The following COMMD1 variants were observed in gnomAD, a reference collection of about 807,000 sequenced individuals.
The protein encoded by COMMD1 is COMM domain-containing protein 1.
In COMMD1, 10 loss-of-function variants were observed where a neutral mutation model predicts 17.2. The ratio of observed to expected loss-of-function variants is 0.58; its 90% CI spans 0.36 to 0.99. The LOEUF is 0.99. Among genes scored for constraint, COMMD1 ranks in the 50% least tolerant of loss-of-function variants. The probability of loss-of-function intolerance (pLI) is 0.01; values close to 1 mark genes in which losing one functional copy is unlikely to be tolerated. For synonymous variants in COMMD1, 97 were observed against 91.6 expected (o/e 1.06, Z -0.34); for missense variants, 270 against 231.8 (o/e 1.17, Z -1.07).
At chr2:61,935,939 C>A (rs1215924245) in intron 1 of COMMD1, among the ~76,000 whole-genome samples, 1 of 152,038 alleles carries the variant, frequency 6.6e-6, no homozygotes, top group East Asian at 1.9e-4. Context: ...GCCTCAGCCT[C>A]CTAAGTAGCT....
intron 1 of COMMD1, among the ~76,000 whole-genome samples, chr2:61,907,929 C>T (rs972571653): frequency 1.4e-4 from 22 of 152,154 alleles, no homozygotes; most frequent in Non-Finnish European, 1.5e-4. Context: ...GATAGCTGAT[C>T]TGCCCACCTT....
chr2:62,103,464 C>T (rs1433039518), intron 2 of COMMD1, among the ~76,000 whole-genome samples: 1 of 152,212 alleles, frequency 6.6e-6, no homozygotes, highest in Non-Finnish European at 1.5e-5. Flanking sequence ...TCAGAGGGCC[C>T]TTGGCCCCTA....
intron 2 of COMMD1, among the ~76,000 whole-genome samples, chr2:62,059,862 T>G (rs1477052700): frequency 1.3e-5 from 2 of 152,268 alleles, no homozygotes; most frequent in Non-Finnish European, 2.9e-5. Flanking sequence ...TATGTTGACA[T>G]GGTTGGATTT....
rs565261515 is a variant in COMMD1, at chr2:62,060,212, T to C, written c.462+59230T>C. 2.0e-5 allele frequency among the ~76,000 whole-genome samples: 3 copies of C among 152,228 alleles called. No individual in the cohort carries two copies. In the South Asian group the frequency reaches 6.2e-4, roughly 32 times the overall value. ...TGGTTGTGGTGGCACACACCTGTAG[T>C]CCCAGCTACTTGGGAGGCTGAGGTG... is the stretch of plus-strand genomic sequence containing the variant. On this transcript the variant is annotated intron_variant, in intron 2 of 2. Transcript: ENST00000311832.
At chr2:62,046,371 A>G (rs541405157) in intron 2 of COMMD1, among the ~76,000 whole-genome samples, 2 of 152,232 alleles carry the variant, frequency 1.3e-5, no homozygotes, top group Non-Finnish European at 2.9e-5. Context: ...ATTTTATGAT[A>G]GTGTGAACAA....
At chr2:61,991,249 T>C (rs541040273) in intron 1 of COMMD1, among the ~76,000 whole-genome samples, 1 of 152,342 alleles carries the variant, frequency 6.6e-6, no homozygotes, top group African/African-American at 2.4e-5. Flanking sequence ...CCTGAATTAT[T>C]TTCTACTCTT....
intron 2 of COMMD1, among the ~76,000 whole-genome samples, chr2:62,025,512 A>C (rs1329125802): frequency 2.0e-5 from 3 of 152,222 alleles, no homozygotes; most frequent in Non-Finnish European, 4.4e-5. Context: ...CCTGGGGAAC[A>C]GAGCAAGGCC....
chr2:61,910,322 C>G (rs917188680), intron 1 of COMMD1, among the ~76,000 whole-genome samples: 3 of 151,728 alleles, frequency 2.0e-5, no homozygotes, highest in Non-Finnish European at 1.5e-5. Context: ...TCGATCTTGG[C>G]TCACTGCAAC....
At chr2:61,896,819 CT>C (rs112184843) in intron 1 of COMMD1, among the ~76,000 whole-genome samples, 1,728 of 137,142 alleles carry the variant, frequency 0.013, 3 homozygotes, top group Non-Finnish European at 0.018. Flanking sequence ...TTTTCCTTTT[CT>C]TTTTTTTTTT....
intron 1 of COMMD1, among the ~76,000 whole-genome samples, chr2:61,993,653 C>T (rs1346027056): frequency 1.3e-5 from 2 of 152,224 alleles, no homozygotes; most frequent in Non-Finnish European, 2.9e-5. Context: ...TGAACAGTAT[C>T]TGTTTTATGG....
chr2:61,947,342 T>A (rs959035993), intron 1 of COMMD1, among the ~76,000 whole-genome samples: 16 of 152,300 alleles, frequency 1.1e-4, no homozygotes, highest in Non-Finnish European at 1.6e-4. Context: ...ACTTTTTTTT[T>A]ATTTTTTAAA....
intron 2 of COMMD1, among the ~76,000 whole-genome samples, chr2:62,122,014 C>G (rs1672763689): frequency 6.6e-6 from 1 of 152,164 alleles, no homozygotes; most frequent in East Asian, 1.9e-4. Context: ...TGGTCTCAAA[C>G]TCCTGGGCTC....
intron 2 of COMMD1, among the ~76,000 whole-genome samples, chr2:62,113,851 A>C (rs1433017401): frequency 6.6e-6 from 1 of 152,224 alleles, no homozygotes; most frequent in Non-Finnish European, 1.5e-5. Flanking sequence ...TGGAAGTTTC[A>C]TTTTATATTT....
chr2:61,890,215 GTTTGTTTGTT>G (rs1459943923), intron 1 of COMMD1, among the ~76,000 whole-genome samples: 4 of 152,042 alleles, frequency 2.6e-5, no homozygotes, highest in South Asian at 2.1e-4. Flanking sequence ...GGTGTTGTTT[GTTTGTTTGTT>G]TTTGTTTGTT....
chr2:62,088,801 T>C (rs1671742890), intron 2 of COMMD1, among the ~76,000 whole-genome samples: 1 of 152,262 alleles, frequency 6.6e-6, no homozygotes, highest in African/African-American at 2.4e-5. Context: ...GACACAGCCT[T>C]CAGGAGGTCC....
chr2:62,066,753 T>A (rs1452693661), intron 2 of COMMD1, among the ~76,000 whole-genome samples: 1 of 150,808 alleles, frequency 6.6e-6, no homozygotes, highest in African/African-American at 2.4e-5. Context: ...TGAGACACAG[T>A]CTTGCTCTGT....
intron 2 of COMMD1, among the ~76,000 whole-genome samples, chr2:62,099,263 G>C (rs543772352): frequency 6.6e-6 from 1 of 152,224 alleles, no homozygotes; most frequent in South Asian, 2.1e-4. Flanking sequence ...TTCCTAAAGA[G>C]AGGCAAGCTT....
At chr2:62,093,813 T>A (rs1444851652) in intron 2 of COMMD1, among the ~76,000 whole-genome samples, 1 of 152,226 alleles carries the variant, frequency 6.6e-6, no homozygotes, top group Non-Finnish European at 1.5e-5. Flanking sequence ...TAAGAAATCC[T>A]CTCTGTTTCC....
intron 1 of COMMD1, among the ~76,000 whole-genome samples, chr2:61,976,571 G>A (rs1371562378): frequency 6.6e-6 from 1 of 152,326 alleles, no homozygotes; most frequent in East Asian, 1.9e-4. Flanking sequence ...TATAGTTGAA[G>A]TCTTCAGCAC....
Sources: allele counts gnomAD v4.1 joint callset (sites outside exome capture counted in the v4.1 genomes callset), GRCh38; gene constraint gnomAD v4.1.1; transcripts MANE v1.5; gene names NCBI Gene and HGNC (gene_info 2026-07-23, HGNC 2026-07-21).